MND1: variants seen among roughly 807,000 people sequenced by gnomAD.
MND1 encodes the protein meiotic nuclear divisions 1, also known as meiotic nuclear division protein 1 homolog.
A neutral mutation model predicts 35.1 loss-of-function variants in MND1; 28 were observed. The observed-to-expected ratio is 0.80, with a 90% confidence interval of 0.59 to 1.09. The LOEUF (loss-of-function observed/expected upper bound fraction) is 1.09. MND1 is among the 50% of genes least tolerant of loss of function. MND1 has a pLI of 0.00. For missense variants in MND1, 213 were observed against 239.6 expected (o/e 0.89, Z 0.73); for synonymous variants, 69 against 70.5 (o/e 0.98, Z 0.11).
chr4:153,369,521 A>C (rs1238141573), intron 4 of MND1, among the ~76,000 whole-genome samples: 1 of 152,256 alleles, frequency 6.6e-6, no homozygotes, highest in African/African-American at 2.4e-5. Context: ...ACTATACTGT[A>C]ATCTATTAAA....
At chr4:153,397,369 TGA>T in intron 6 of MND1, 36 bp downstream of exon 6, 4 of 1,470,940 alleles carry the variant, frequency 2.7e-6, no homozygotes, top group Non-Finnish European at 3.7e-6. Flanking sequence ...TCTTTAACTT[TGA>T]TAATGAAGAA....
At chr4:153,374,890 G>A (rs528727201) in intron 4 of MND1, among the ~76,000 whole-genome samples, 46 of 152,128 alleles carry the variant, frequency 3.0e-4, no homozygotes, top group African/African-American at 7.0e-4. Flanking sequence ...TAACTTTGGC[G>A]GTTATTTTCT....
chr4:153,396,778 TA>T (rs1197873122), intron 5 of MND1, among the ~76,000 whole-genome samples: 1 of 152,090 alleles, frequency 6.6e-6, no homozygotes, highest in Non-Finnish European at 1.5e-5. Flanking sequence ...AAAATATTCT[TA>T]AAAATTGAAA....
intron 4 of MND1, among the ~76,000 whole-genome samples, chr4:153,372,300 G>A (rs1279567555): frequency 6.6e-6 from 1 of 151,890 alleles, no homozygotes; most frequent in Admixed American, 6.5e-5. Context: ...CTGAAGTGCA[G>A]TAAAGCAAAG....
chr4:153,413,719 T>G (rs1352897970), intron 7 of MND1, among the ~76,000 whole-genome samples: 7 of 151,358 alleles, frequency 4.6e-5, no homozygotes, highest in Non-Finnish European at 1.0e-4. Context: ...AATCCACTGT[T>G]CCTCCCACCC....
In MND1 at chr4:153,372,754, A is replaced by G. The variant is rs1773822522; in HGVS notation, c.276+14132A>G. Reference sequence around the variant, plus strand: ...CCCCACCCCCAGCTTCTTTTACTCAATAAAATTATTTTAAGATTTACCCAT... The same window carrying G: ...CCCCACCCCCAGCTTCTTTTACTCAGTAAAATTATTTTAAGATTTACCCAT... On this transcript the variant is annotated intron_variant, in intron 4 of 7. Coordinates refer to ENST00000240488, the MANE Select transcript of MND1 (RefSeq NM_032117.4). Among the ~76,000 whole-genome samples the G allele has an allele frequency of 3.9e-5, 6 of 152,166 alleles. No individual in the cohort carries two copies. In the South Asian group the frequency reaches 1.2e-3, roughly 32 times the overall value.
chr4:153,408,107 A>G (rs1393282821), intron 6 of MND1, among the ~76,000 whole-genome samples: 1 of 152,020 alleles, frequency 6.6e-6, no homozygotes, highest in Non-Finnish European at 1.5e-5. Flanking sequence ...CAAGACCCCT[A>G]TCTCTACAAG....
chr4:153,356,534 CAG>C (rs1171627539), intron 3 of MND1, among the ~76,000 whole-genome samples: 2 of 99,556 alleles, frequency 2.0e-5, no homozygotes, highest in African/African-American at 4.0e-5. Flanking sequence ...GCCTGGGTGA[CAG>C]AGTGAAACTC....
intron 7 of MND1, among the ~76,000 whole-genome samples, chr4:153,413,228 A>G (rs769832314): frequency 3.3e-5 from 5 of 152,192 alleles, no homozygotes; most frequent in Admixed American, 2.0e-4. Context: ...AGAAGAACCT[A>G]TTCTAACCCT....
intron 6 of MND1, among the ~76,000 whole-genome samples, chr4:153,400,635 C>T (rs1234978585): frequency 6.6e-6 from 1 of 151,984 alleles, no homozygotes; most frequent in African/African-American, 2.4e-5. Context: ...TTCCTTGCAC[C>T]CAGTAGTTCA....
At chr4:153,355,397 T>C (rs999989187) in intron 2 of MND1, among the ~76,000 whole-genome samples, 1 of 152,128 alleles carries the variant, frequency 6.6e-6, no homozygotes, top group Admixed American at 6.5e-5. Flanking sequence ...TAGTTAATAA[T>C]ATATTGTATA....
chr4:153,357,701 G>A (rs1380057224), intron 3 of MND1, among the ~76,000 whole-genome samples: 2 of 152,122 alleles, frequency 1.3e-5, no homozygotes, highest in African/African-American at 4.8e-5. Context: ...CAGACAAATT[G>A]TAGGTAATGG....
chr4:153,359,997 A>C lies in MND1; in HGVS notation c.276+1375A>C, dbSNP rs537076234. Among the ~76,000 whole-genome samples, 12 of 151,906 alleles carry C rather than the reference A, an allele frequency of 7.9e-5. No individual in the cohort carries two copies. In the East Asian group the frequency reaches 2.1e-3, roughly 27 times the overall value. Reference sequence around the variant, plus strand: ...AGACGGGGTTTCACCATGATGGCCAAGCTGGTCTTGAACTCCTGACCTCAG... The same window carrying C: ...AGACGGGGTTTCACCATGATGGCCACGCTGGTCTTGAACTCCTGACCTCAG... On this transcript the variant is annotated intron_variant, in intron 4 of 7. Transcript: ENST00000240488.
chr4:153,401,527 AC>A (rs1302198018), intron 6 of MND1, among the ~76,000 whole-genome samples: 1 of 149,790 alleles, frequency 6.7e-6, no homozygotes. Context: ...ACCTCTACTC[AC>A]CCCAAATCTC....
chr4:153,405,020 C>A (rs1277557249), intron 6 of MND1, among the ~76,000 whole-genome samples: 1 of 152,048 alleles, frequency 6.6e-6, no homozygotes, highest in African/African-American at 2.4e-5. Context: ...CAGGTGTGAG[C>A]TATTGCACCT....
At chr4:153,402,130 G>T (rs910413334) in intron 6 of MND1, among the ~76,000 whole-genome samples, 1 of 152,034 alleles carries the variant, frequency 6.6e-6, no homozygotes, top group Non-Finnish European at 1.5e-5. Context: ...CTCCATCCTG[G>T]GTGACAGAGC....
At chr4:153,379,229 G>T (rs1352053740) in intron 4 of MND1, among the ~76,000 whole-genome samples, 1 of 148,136 alleles carries the variant, frequency 6.8e-6, no homozygotes, top group Non-Finnish European at 1.5e-5. Context: ...GACGGAGCTT[G>T]CAGTGAGCCG....
intron 5 of MND1, 145 bp from the exon 6 acceptor site, chr4:153,397,074 G>T (rs1729215665): frequency 2.0e-6 from 1 of 509,856 alleles, no homozygotes; most frequent in Non-Finnish European, 3.5e-6. Flanking sequence ...GTGAATATCT[G>T]TGTGTGTATA....
At chr4:153,413,763 G>A (rs552448358) in intron 7 of MND1, among the ~76,000 whole-genome samples, 126 of 151,678 alleles carry the variant, frequency 8.3e-4, no homozygotes, top group African/African-American at 1.7e-3. Context: ...ACACTGTCAC[G>A]GTCCTGCCTC....
Sources: gnomAD v4.1 joint callset for allele counts (sites outside exome capture counted in the v4.1 genomes callset) on GRCh38, gnomAD v4.1.1 for gene constraint, MANE v1.5 for transcripts, NCBI Gene and HGNC (gene_info 2026-07-23, HGNC 2026-07-21) for gene names.